NHEJ1: variants seen among roughly 807,000 people sequenced by gnomAD.
NHEJ1 encodes the protein non-homologous end-joining factor 1.
A neutral mutation model predicts 39.4 loss-of-function variants in NHEJ1; 22 were observed. The ratio of observed to expected loss-of-function variants is 0.56; its 90% CI spans 0.40 to 0.80. NHEJ1 has a LOEUF of 0.80. NHEJ1 is among the 30% of genes least tolerant of loss of function. The pLI is 0.00. For synonymous variants in NHEJ1, 154 were observed against 135.6 expected (o/e 1.14, Z -0.94); for missense variants, 329 against 357.1 (o/e 0.92, Z 0.63).
At chr2:219,112,118 CAG>C (rs1949371624) in intron 5 of NHEJ1, among the ~76,000 whole-genome samples, 1 of 152,148 alleles carries the variant, frequency 6.6e-6, no homozygotes, top group Non-Finnish European at 1.5e-5. Context: ...AGAAATACAA[CAG>C]AGATTGTAAC....
rs1948961081 is a variant in NHEJ1, at chr2:219,071,958, T to G, written c.*4423A>C. Among the ~76,000 whole-genome samples, 3 of 152,170 alleles carry G rather than the reference T, an allele frequency of 2.0e-5. No homozygotes were observed. Among genetic ancestry groups the G allele is most frequent in the Non-Finnish European group, 2.9e-5 (2 of 68,010 alleles). On this transcript the variant is annotated 3_prime_UTR_variant, in exon 8 of 8. Transcript: ENST00000356853. The stretch of plus-strand genomic sequence containing the variant: ...GGGTGCTACCTAATGACTTCCTATG[T>G]GCTAGGATAGAGAACTGAGAGCCCA...
intron 5 of NHEJ1, among the ~76,000 whole-genome samples, chr2:219,120,076 C>G (rs368141535): frequency 3.9e-5 from 6 of 152,054 alleles, no homozygotes; most frequent in African/African-American, 1.5e-4. Context: ...CACTAATGAA[C>G]GCAGTATCAC....
intron 3 of NHEJ1, among the ~76,000 whole-genome samples, chr2:219,154,865 A>G (rs1393818676): frequency 6.8e-6 from 1 of 147,304 alleles, no homozygotes; most frequent in Admixed American, 6.8e-5. Flanking sequence ...ATATTGTATT[A>G]TATATATTAT....
chr2:219,126,189 A>G (rs1949512853), intron 5 of NHEJ1, among the ~76,000 whole-genome samples: 1 of 152,186 alleles, frequency 6.6e-6, no homozygotes, highest in Non-Finnish European at 1.5e-5. Context: ...CAGGAACGCT[A>G]TTTACTGAGT....
At chr2:219,115,650 A>G (rs1949406791) in intron 5 of NHEJ1, among the ~76,000 whole-genome samples, 1 of 152,180 alleles carries the variant, frequency 6.6e-6, no homozygotes, top group African/African-American at 2.4e-5. Context: ...ACCTCTTAAC[A>G]CTCAGCCACT....
intron 3 of NHEJ1, among the ~76,000 whole-genome samples, chr2:219,152,308 A>G (rs1023448219): frequency 1.3e-5 from 2 of 152,212 alleles, no homozygotes; most frequent in Non-Finnish European, 1.5e-5. Context: ...AGAAATGTTC[A>G]TAAGTCATGA....
chr2:219,157,657 G>C lies in NHEJ1; in HGVS notation c.205C>G (p.Pro69Ala). The C allele has an allele frequency of 2.5e-6, 4 of 1,613,992 alleles. No individual in the cohort carries two copies. Among genetic ancestry groups the C allele is most frequent in the Non-Finnish European group, 3.4e-6 (4 of 1,179,940 alleles). The part of the protein sequence containing the change: ...KELNKRLTAP[P>A]AAFLCHLDNL... ...TCCAAATGACAGAGGAAAGCTGCAGGAGGAGCAGTGAGCCGCTTGTTCAGC... is the reference window on the plus strand; with the variant it reads ...TCCAAATGACAGAGGAAAGCTGCAGCAGGAGCAGTGAGCCGCTTGTTCAGC... The change falls in exon 3 of 8, where the codon CCT (proline) becomes GCT (alanine). Residue 69 changes from proline (P) to alanine (A), a missense_variant. By Grantham distance (27) the Pro-to-Ala change is conservative. Coordinates refer to ENST00000356853, the MANE Select transcript of NHEJ1 (RefSeq NM_024782.3).
intron 3 of NHEJ1, 111 bp from the exon 4 acceptor site, chr2:219,147,906 T>TA: frequency 1.9e-6 from 2 of 1,063,054 alleles, no homozygotes; most frequent in Non-Finnish European, 2.8e-6. Flanking sequence ...CAGAAACTTA[T>TA]AGTTTCATAG....
intron 5 of NHEJ1, among the ~76,000 whole-genome samples, chr2:219,103,579 A>AT (rs1473143227): frequency 1.3e-5 from 2 of 152,060 alleles, no homozygotes; most frequent in Non-Finnish European, 2.9e-5. Context: ...CCTGACCACC[A>AT]TTTTTTTTAA....
At chr2:219,086,748 G>A (rs1251258868) in intron 5 of NHEJ1, among the ~76,000 whole-genome samples, 1 of 151,994 alleles carries the variant, frequency 6.6e-6, no homozygotes, top group East Asian at 1.9e-4. Flanking sequence ...AGGTGGGGGC[G>A]GGGCAGCTGC....
At chr2:219,131,594 T>C (rs953194638) in intron 5 of NHEJ1, among the ~76,000 whole-genome samples, 4 of 152,228 alleles carry the variant, frequency 2.6e-5, no homozygotes, top group Non-Finnish European at 4.4e-5. Context: ...TGTTTTGGCA[T>C]TGTGCTAGAT....
chr2:219,084,872 T>G (rs1214887012), intron 5 of NHEJ1, among the ~76,000 whole-genome samples: 1 of 152,148 alleles, frequency 6.6e-6, no homozygotes, highest in Non-Finnish European at 1.5e-5. Flanking sequence ...CAGTGAAGAG[T>G]AAAGCTGCTA....
At position 219,158,341 on chromosome 2, in the gene NHEJ1, G is replaced by C. The variant is rs771145568; in HGVS notation, c.22C>G (p.Leu8Val). ...AGCCACGCCCATGGCTGCATCAACA[G>C]GCCTTGCTCCAGTTCTTCCATCTGC... MEELEQG[L>V]LMQPWAWLQL... is the part of the protein sequence containing the mutation. Residue 8 changes from leucine to valine, a missense_variant, in exon 2 of 8, where the codon CTG (leucine) becomes GTG (valine). Leu to Val is a conservative substitution (Grantham distance 32, BLOSUM62 1). Coordinates refer to ENST00000356853, the MANE Select transcript of NHEJ1 (RefSeq NM_024782.3). The C allele has an allele frequency of 1.1e-5, 18 of 1,614,046 alleles. No homozygotes were observed. The Admixed American group carries it at 2.8e-4, about 25-fold the overall frequency.
chr2:219,081,332 G>A (rs939367065), intron 5 of NHEJ1, among the ~76,000 whole-genome samples: 6 of 152,170 alleles, frequency 3.9e-5, no homozygotes, highest in African/African-American at 1.4e-4. Context: ...AGATCAAAGG[G>A]AGAATGCTGG....
intron 3 of NHEJ1, among the ~76,000 whole-genome samples, chr2:219,149,504 T>C (rs1287301620): frequency 1.3e-5 from 2 of 152,076 alleles, no homozygotes; most frequent in Non-Finnish European, 2.9e-5. Context: ...TAATCCCAGC[T>C]ACTCGGGAGA....
At chr2:219,131,652 A>G (rs1329149264) in intron 5 of NHEJ1, among the ~76,000 whole-genome samples, 1 of 152,222 alleles carries the variant, frequency 6.6e-6, no homozygotes, top group Non-Finnish European at 1.5e-5. Context: ...TGGATTCTAT[A>G]CAACTCTGTT....
chr2:219,100,791 A>G (rs556639894), intron 5 of NHEJ1, among the ~76,000 whole-genome samples: 2 of 152,214 alleles, frequency 1.3e-5, no homozygotes, highest in African/African-American at 4.8e-5. Context: ...CTGAGCTAAG[A>G]AGTAGCAAAG....
At chr2:219,126,787 G>A (rs1490434288) in intron 5 of NHEJ1, among the ~76,000 whole-genome samples, 1 of 152,218 alleles carries the variant, frequency 6.6e-6, no homozygotes, top group Non-Finnish European at 1.5e-5. Flanking sequence ...TTCCCTAGAG[G>A]AAGTAACATA....
intron 5 of NHEJ1, among the ~76,000 whole-genome samples, chr2:219,092,834 G>T (rs1263506928): frequency 6.6e-6 from 1 of 152,180 alleles, no homozygotes; most frequent in African/African-American, 2.4e-5. Flanking sequence ...GCTGTGGGGG[G>T]CAGAGATAAG....
Sources: gnomAD v4.1 joint callset for allele counts (sites outside exome capture counted in the v4.1 genomes callset) on GRCh38, gnomAD v4.1.1 for gene constraint, MANE v1.5 for transcripts, NCBI Gene and HGNC (gene_info 2026-07-23, HGNC 2026-07-21) for gene names.